ZNF394: variants seen among roughly 807,000 people sequenced by gnomAD.
ZNF394 encodes the protein zinc finger protein 394, also known as zinc finger protein 99.
Under a neutral mutation model 21.8 loss-of-function variants are expected in ZNF394, and 19 were observed. The observed-to-expected ratio is 0.87, with a 90% CI of 0.61 to 1.28. ZNF394 has a LOEUF of 1.28. ZNF394 is among the 50% of genes most tolerant of loss of function. The pLI, the probability that ZNF394 is intolerant of heterozygous loss-of-function variation, is 0.00. For synonymous variants in ZNF394, 294 were observed against 273.3 expected (o/e 1.08, Z -0.75); for missense variants, 683 against 708.6 (o/e 0.96, Z 0.41).
chr7:99,499,377 A>G (rs1239630302), intron 1 of ZNF394, among the ~76,000 whole-genome samples: 4 of 151,666 alleles, frequency 2.6e-5, no homozygotes, highest in African/African-American at 9.7e-5. Flanking sequence ...ACTCCATCTC[A>G]AACAACAGCA....
At chr7:99,486,561 A>G (rs747470976) in exon 2 of ZNF394, 5 of 1,614,114 alleles carry the variant, frequency 3.1e-6, no homozygotes, top group Non-Finnish European at 4.2e-6. Flanking sequence ...TATCAGTGGT[A>G]ATGCAGGAAT....
downstream of ZNF394, among the ~76,000 whole-genome samples, chr7:99,489,319 A>AT (rs1734063398): frequency 6.6e-6 from 1 of 151,750 alleles, no homozygotes; most frequent in Non-Finnish European, 1.5e-5. Context: ...TTGTAAGTCA[A>AT]TATTTGTAAT....
intron 2 of ZNF394, 179 bp downstream of exon 2, chr7:99,498,537 A>T: frequency 1.3e-6 from 1 of 740,822 alleles, no homozygotes; most frequent in Non-Finnish European, 2.1e-6. Flanking sequence ...ATTAAAAATG[A>T]ACCAAAGTAA....
intron 1 of ZNF394, 125 bp downstream of exon 1, chr7:99,499,512 AG>A: frequency 4.7e-6 from 4 of 842,524 alleles, no homozygotes; most frequent in Non-Finnish European, 7.4e-6. Flanking sequence ...GCCTACAGAA[AG>A]GAAGTCCATA....
At chr7:99,487,327 G>C in intron 1 of ZNF394, 1 of 1,614,228 alleles carries the variant, frequency 6.2e-7, no homozygotes, top group South Asian at 1.1e-5. Context: ...TCAATGTGGA[G>C]AATGTGGGAA....
chr7:99,497,132 ATATATATATG>A (rs1393842375), intron 2 of ZNF394, among the ~76,000 whole-genome samples: 39 of 127,912 alleles, frequency 3.0e-4, no homozygotes, highest in African/African-American at 8.8e-4. Context: ...GTATATATAT[ATATATATATG>A]TATATATATA....
chr7:99,489,140 C>T (rs934743906), downstream of ZNF394, among the ~76,000 whole-genome samples: 3 of 151,388 alleles, frequency 2.0e-5, no homozygotes, highest in East Asian at 3.9e-4. Flanking sequence ...AAAAATTAGC[C>T]GAGCATGGTG....
chr7:99,494,250 T>G lies in ZNF394; in HGVS notation c.965A>C (p.His322Pro). The G allele has an allele frequency of 1.2e-6, 2 of 1,614,268 alleles. No individual in the cohort carries two copies. Among genetic ancestry groups the G allele is most frequent in the Non-Finnish European group, 1.7e-6 (2 of 1,180,054 alleles). ...TTTCAGCACGTGCCACGTCACCATGTGGAAACTTTGCTTGCACTTGTTCCC... is the reference window on the plus strand; with the variant it reads ...TTTCAGCACGTGCCACGTCACCATGGGGAAACTTTGCTTGCACTTGTTCCC... The part of the protein sequence containing the change: ...EHGNKCKQSF[H>P]MVTWHVLKPH... The change falls in exon 3 of 3, where the codon CAC becomes CCC. Residue 322 changes from histidine (H) to proline (P), a missense_variant. Physicochemically the swap from His to Pro is moderately conservative, Grantham distance 77. Transcript: ENST00000337673.
downstream of ZNF394, among the ~76,000 whole-genome samples, chr7:99,492,154 C>A (rs1005975546): frequency 1.3e-5 from 2 of 151,070 alleles, no homozygotes; most frequent in African/African-American, 2.4e-5. Flanking sequence ...GAAAGAGGGA[C>A]TATGCAAAAT....
chr7:99,494,468 G>A lies in ZNF394; in HGVS notation c.747C>T (p.Asp249=), dbSNP rs1800240543. ...AATTTTCAAGTTTCAGGGGCAAGGG[G>A]TCTCCGGACTGCTTTTCCACCCTGT... ...HEDRVEKQSG[D]PLPLKLENSP... The change falls in exon 3 of 3, where the codon GAC becomes GAT. Residue 249 remains aspartate, a synonymous_variant. Coordinates refer to ENST00000337673, the MANE Select transcript of ZNF394 (RefSeq NM_032164.4). The A allele has an allele frequency of 6.2e-7, 1 of 1,614,052 alleles. No homozygotes were observed. The highest frequency in any genetic ancestry group is 8.5e-7 in the Non-Finnish European group (1 of 1,180,030).
At chr7:99,487,171 G>A in intron 1 of ZNF394, 1 of 1,614,104 alleles carries the variant, frequency 6.2e-7, no homozygotes. Context: ...GTGTGGAAAA[G>A]CCTTTGGCCG....
chr7:99,486,648 T>C (rs764155044), exon 2 of ZNF394: 16 of 1,614,230 alleles, frequency 9.9e-6, no homozygotes, highest in Non-Finnish European at 1.4e-5. Flanking sequence ...TCCCTACTAG[T>C]GGTGATGAAT....
chr7:99,488,438 G>T (rs928505622), downstream of ZNF394, among the ~76,000 whole-genome samples: 1 of 150,398 alleles, frequency 6.6e-6, no homozygotes, highest in Non-Finnish European at 1.5e-5. Flanking sequence ...GGAGGTGGAG[G>T]TTGCAGTGAG....
chr7:99,486,605 G>A (rs146398936), exon 2 of ZNF394: 41 of 1,614,220 alleles, frequency 2.5e-5, no homozygotes, highest in Non-Finnish European at 3.2e-5. Context: ...TTACATAAGT[G>A]TAAAGAATTT....
In ZNF394 at chr7:99,499,861, G is replaced by T; in HGVS notation, c.233C>A (p.Pro78Gln). 6.2e-7 allele frequency: 1 copy of T among 1,614,132 alleles called. No homozygotes were observed. The highest frequency in any genetic ancestry group is 8.5e-7 in the Non-Finnish European group (1 of 1,180,024). ...RQLRYQEVAG[P>Q]EEALSRLREL... ...TCGGAGCCGGCTCAGCGCCTCTTCC[G>T]GTCCAGCCACCTCCTGGTAACGCAG... The change falls in exon 1 of 3, where the codon CCG (proline) becomes CAG (glutamine). Residue 78 changes from proline to glutamine, a missense_variant. By Grantham distance (76) the Pro-to-Gln change is moderately conservative (BLOSUM62 -1). Coordinates refer to ENST00000337673, the MANE Select transcript of ZNF394 (RefSeq NM_032164.4).
rs756981612 is a variant in ZNF394, at chr7:99,494,001, T to C, written c.1214A>G (p.Gln405Arg). The C allele has an allele frequency of 7.6e-5, 123 of 1,614,132 alleles. No individual in the cohort carries two copies. The highest frequency in any genetic ancestry group is 4.9e-4 in the Middle Eastern group (3 of 6,084). ...CGGCTTCTCGCCTGTGTGTGTCCTC[T>C]GGTGCTTGGTCAGGGCAGCACTCTG... is the stretch of plus-strand genomic sequence containing the variant. Reference protein sequence around the residue: ...FSQSAALTKHQRTHTGEKPYT... With the variant: ...FSQSAALTKHRRTHTGEKPYT... The change falls in exon 3 of 3, where the codon CAG becomes CGG. Residue 405 changes from glutamine to arginine, a missense_variant. Around this residue, in one of 3 missense-constraint regions of ZNF394, gnomAD observed 274 missense variants for 314.1 expected, o/e 0.87. Coordinates refer to ENST00000337673, the MANE Select transcript of ZNF394 (RefSeq NM_032164.4).
At chr7:99,488,957 C>T (rs370205566), downstream of ZNF394, among the ~76,000 whole-genome samples, 22 of 146,794 alleles carry the variant, frequency 1.5e-4, no homozygotes, top group East Asian at 2.4e-3. Context: ...AAAAGTTGCC[C>T]ATAATCTAAA....
downstream of ZNF394, among the ~76,000 whole-genome samples, chr7:99,489,290 GA>G (rs66724141): frequency 0.17 from 18,122 of 109,176 alleles, 1,384 homozygotes; most frequent in African/African-American, 0.27. Flanking sequence ...TCTCAAAAAA[GA>G]AAAAAAAAAA....
In ZNF394 at chr7:99,493,920, T is replaced by C; in HGVS notation, c.1295A>G (p.His432Arg). Reference protein sequence around the residue: ...RFRQNSHLNRHQSTHSRDKHF... With the variant: ...RFRQNSHLNRRQSTHSRDKHF... The stretch of plus-strand genomic sequence containing the variant: ...TTTGTCTCTACTGTGGGTACTTTGA[T>C]GACGATTTAGGTGTGAATTCTGCCT... The change falls in exon 3 of 3, where the codon CAT (histidine) becomes CGT (arginine). Residue 432 changes from histidine (H) to arginine (R), a missense_variant. By Grantham distance (29) the His-to-Arg change is conservative. Around this residue, in one of 3 missense-constraint regions of ZNF394, gnomAD observed 274 missense variants for 314.1 expected, o/e 0.87. Coordinates refer to ENST00000337673, the MANE Select transcript of ZNF394 (RefSeq NM_032164.4). 1 of 1,614,262 alleles carries C rather than the reference T, an allele frequency of 6.2e-7. No homozygotes were observed. The highest frequency in any genetic ancestry group is 8.5e-7 in the Non-Finnish European group (1 of 1,180,052).
Sources: allele counts gnomAD v4.1 joint callset (sites outside exome capture counted in the v4.1 genomes callset), GRCh38; gene constraint gnomAD v4.1.1; regional missense constraint gnomAD v4.1.1; transcripts MANE v1.5; gene names NCBI Gene and HGNC (gene_info 2026-07-23, HGNC 2026-07-21).